Variants in MPPED2 observed in about 807,000 individuals in gnomAD.
MPPED2 encodes the protein metallophosphoesterase MPPED2.
MPPED2 carries 5 observed loss-of-function variants against 33.0 expected under a neutral mutation model. The observed-to-expected ratio is 0.15, with a 90% CI of 0.08 to 0.32. The LOEUF is 0.32. Among genes scored for constraint, MPPED2 ranks in the 10% least tolerant of loss-of-function variants. The pLI is 1.00. For missense variants in MPPED2, 275 were observed against 372.1 expected, an observed-to-expected ratio of 0.74 and a Z score of 2.15; for synonymous variants, 136 against 141.9, an observed-to-expected ratio of 0.96 and a Z score of 0.29.
chr11:30,452,776 T>G (rs1310572633), intron 4 of MPPED2, among the ~76,000 whole-genome samples: 1 of 152,112 alleles, frequency 6.6e-6, no homozygotes, highest in Non-Finnish European at 1.5e-5. Flanking sequence ...CAGAAACCAC[T>G]ATTAGGATAA....
At chr11:30,521,682 A>G (rs564549864) in intron 3 of MPPED2, among the ~76,000 whole-genome samples, 120 of 152,252 alleles carry the variant, frequency 7.9e-4, no homozygotes, top group Non-Finnish European at 1.3e-3. Flanking sequence ...ATGTAAATAT[A>G]TCTTCTGACC....
At chr11:30,490,218 G>T (rs1352367116) in intron 4 of MPPED2, among the ~76,000 whole-genome samples, 1 of 152,122 alleles carries the variant, frequency 6.6e-6, no homozygotes, top group African/African-American at 2.4e-5. Context: ...TGGTGGCAGA[G>T]AATCAATTTT....
intron 4 of MPPED2, among the ~76,000 whole-genome samples, chr11:30,466,400 T>G (rs1210973655): frequency 1.3e-5 from 2 of 152,204 alleles, no homozygotes; most frequent in African/African-American, 2.4e-5. Context: ...TGCTGCACCC[T>G]GCCATGGGGC....
intron 4 of MPPED2, among the ~76,000 whole-genome samples, chr11:30,433,576 C>T (rs1232683433): frequency 6.6e-6 from 1 of 152,176 alleles, no homozygotes; most frequent in Admixed American, 6.5e-5. Context: ...AAGCCGATCT[C>T]CTTGAATGTC....
intron 4 of MPPED2, among the ~76,000 whole-genome samples, chr11:30,466,466 T>C (rs1950710986): frequency 6.6e-6 from 1 of 152,188 alleles, no homozygotes; most frequent in African/African-American, 2.4e-5. Context: ...CACCCTGACA[T>C]CCGGTCCAAT....
At chr11:30,392,345 C>T (rs1237539218) in intron 6 of MPPED2, among the ~76,000 whole-genome samples, 1 of 152,192 alleles carries the variant, frequency 6.6e-6, no homozygotes, top group Admixed American at 6.5e-5. Flanking sequence ...AGGCCCTGAA[C>T]AGGCTGCTTA....
chr11:30,442,945 A>T lies in MPPED2; in HGVS notation c.537-25312T>A, dbSNP rs532841327. Reference sequence around the variant, plus strand: ...GAGTTTGAGGCAGTAGCGAGCTATGATCACACCACTGCACGCCAGCCTGGT... The same window carrying T: ...GAGTTTGAGGCAGTAGCGAGCTATGTTCACACCACTGCACGCCAGCCTGGT... On this transcript the variant is annotated intron_variant, in intron 4 of 6. Transcript: ENST00000358117. 3.9e-5 allele frequency among the ~76,000 whole-genome samples: 6 copies of T among 152,278 alleles called. No homozygotes were observed. The South Asian group carries it at 1.2e-3, about 32-fold the overall frequency.
chr11:30,527,366 GT>G (rs34308491), intron 3 of MPPED2, among the ~76,000 whole-genome samples: 199 of 142,498 alleles, frequency 1.4e-3, no homozygotes, highest in South Asian at 1.3e-3. Flanking sequence ...TGAAAGAGTT[GT>G]TTTTTTTTTT....
At chr11:30,515,109 A>T (rs1953451896) in intron 3 of MPPED2, among the ~76,000 whole-genome samples, 1 of 152,118 alleles carries the variant, frequency 6.6e-6, no homozygotes, top group Non-Finnish European at 1.5e-5. Flanking sequence ...CAAACAAACA[A>T]AAAACCTTTA....
intron 4 of MPPED2, among the ~76,000 whole-genome samples, chr11:30,487,534 T>C (rs1951793813): frequency 6.6e-6 from 1 of 152,130 alleles, no homozygotes; most frequent in African/African-American, 2.4e-5. Flanking sequence ...CCAGGCTGAG[T>C]GCAGGGGTGT....
chr11:30,437,078 C>T (rs1949358878), intron 4 of MPPED2, among the ~76,000 whole-genome samples: 2 of 152,174 alleles, frequency 1.3e-5, no homozygotes, highest in South Asian at 2.1e-4. Flanking sequence ...ATTAAAACAA[C>T]AATCAGATTT....
At position 30,537,350 on chromosome 11, in the gene MPPED2, T is replaced by G. The variant is rs140318137; in HGVS notation, c.129-1175A>C. On this transcript the variant is annotated intron_variant, in intron 2 of 6. Coordinates refer to ENST00000358117, the MANE Select transcript of MPPED2 (RefSeq NM_001584.3). ...AATGCAGAGATTAGAGTGTGAAACA[T>G]TAAATAAGGAACAATATTTCATATC... Among the ~76,000 whole-genome samples the G allele has an allele frequency of 3.4e-3, 511 of 152,256 alleles. 2 individuals carry two copies. The highest frequency in any genetic ancestry group is 5.1e-3 in the Non-Finnish European group (348 of 68,006).
chr11:30,536,048 C>T lies in MPPED2; in HGVS notation c.256G>A (p.Asp86Asn), dbSNP rs1565162236. The change falls in exon 3 of 7, where the codon GAT becomes AAT. Residue 86 changes from aspartate (D) to asparagine (N), a missense_variant. Physicochemically the swap from Asp to Asn is conservative, Grantham distance 23 (BLOSUM62 1). Coordinates refer to ENST00000358117, the MANE Select transcript of MPPED2 (RefSeq NM_001584.3). ...PYGDILLHTG[D>N]FTELGLPSEV... ...GAGGGCAGTCCCAGCTCGGTGAAAT[C>T]GCCTGTGTGGAGAAGGATGTCCCCA... 6.2e-7 allele frequency: 1 copy of T among 1,613,332 alleles called. No individual in the cohort carries two copies. The highest frequency in any genetic ancestry group is 8.5e-7 in the Non-Finnish European group (1 of 1,179,672).
At chr11:30,543,759 A>G (rs1275108132) in intron 2 of MPPED2, among the ~76,000 whole-genome samples, 2 of 149,082 alleles carry the variant, frequency 1.3e-5, no homozygotes, top group Non-Finnish European at 3.0e-5. Context: ...AGAATATGTG[A>G]TTGAACTAAG....
chr11:30,498,372 G>T (rs563146846), intron 3 of MPPED2, among the ~76,000 whole-genome samples: 1 of 152,178 alleles, frequency 6.6e-6, no homozygotes, highest in African/African-American at 2.4e-5. Context: ...ATCACCTGAG[G>T]TCAGGAGTTT....
chr11:30,479,106 C>T (rs534534283), intron 4 of MPPED2, among the ~76,000 whole-genome samples: 2 of 152,134 alleles, frequency 1.3e-5, no homozygotes, highest in African/African-American at 4.8e-5. Context: ...TCTTCTTATC[C>T]TAAACTAGGC....
At chr11:30,447,345 T>C (rs1192286109) in intron 4 of MPPED2, among the ~76,000 whole-genome samples, 1 of 152,188 alleles carries the variant, frequency 6.6e-6, no homozygotes, top group African/African-American at 2.4e-5. Context: ...TCCACCTCCT[T>C]GTCGTGTCAG....
intron 3 of MPPED2, among the ~76,000 whole-genome samples, chr11:30,514,676 T>C (rs557302333): frequency 7.7e-4 from 117 of 152,316 alleles, no homozygotes; most frequent in African/African-American, 2.8e-3. Flanking sequence ...AACAGCCTGG[T>C]AAGATATTAT....
At chr11:30,543,590 C>T (rs748341510) in intron 2 of MPPED2, among the ~76,000 whole-genome samples, 1 of 152,120 alleles carries the variant, frequency 6.6e-6, no homozygotes, top group Non-Finnish European at 1.5e-5. Flanking sequence ...AAGATAAATG[C>T]CATCCACATC....
Sources: allele counts gnomAD v4.1 joint callset (sites outside exome capture counted in the v4.1 genomes callset), GRCh38; gene constraint gnomAD v4.1.1; transcripts MANE v1.5; gene names NCBI Gene and HGNC (gene_info 2026-07-23, HGNC 2026-07-21).